The following SPIDR variants were observed in gnomAD, a reference collection of about 807,000 sequenced individuals.
SPIDR encodes scaffold protein involved in DNA repair, also known as DNA repair-scaffolding protein.
In SPIDR, 93 loss-of-function variants were observed where a neutral mutation model predicts 104.6. The observed-to-expected ratio is 0.89, with a 90% CI of 0.75 to 1.06. The LOEUF (loss-of-function observed/expected upper bound fraction) is 1.06, where lower values mean the gene tolerates loss of function less well. SPIDR is among the 50% of genes least tolerant of loss of function. The probability of loss-of-function intolerance (pLI) is 0.00; values close to 1 mark genes in which losing one functional copy is unlikely to be tolerated. For synonymous variants in SPIDR, 431 were observed against 416.9 expected, an observed-to-expected ratio of 1.03 and a Z score of -0.41; for missense variants, 1,154 against 1,111.2, an observed-to-expected ratio of 1.04 and a Z score of -0.55.
At chr8:47,688,015 A>AG (rs1563546666) in intron 11 of SPIDR, among the ~76,000 whole-genome samples, 3 of 62,464 alleles carry the variant, frequency 4.8e-5, no homozygotes, top group African/African-American at 9.4e-5. Flanking sequence ...CAAAAAAAAA[A>AG]AGTGTGTGTG....
intron 5 of SPIDR, among the ~76,000 whole-genome samples, chr8:47,394,454 A>C (rs2061009991): frequency 6.6e-6 from 1 of 152,184 alleles, no homozygotes; most frequent in Non-Finnish European, 1.5e-5. Flanking sequence ...AGTGGTTCTC[A>C]ACTGGGGGTG....
chr8:47,313,536 T>G (rs1187219324), intron 5 of SPIDR, among the ~76,000 whole-genome samples: 1 of 152,070 alleles, frequency 6.6e-6, no homozygotes, highest in Non-Finnish European at 1.5e-5. Flanking sequence ...TACCAATGAC[T>G]CTCTTCACAG....
chr8:47,300,635 C>G (rs1554576593), intron 5 of SPIDR, among the ~76,000 whole-genome samples: 1 of 152,152 alleles, frequency 6.6e-6, no homozygotes, highest in East Asian at 1.9e-4. Flanking sequence ...CCCAGAGATT[C>G]TGGTATGTTG....
chr8:47,385,663 G>A (rs1021337022), intron 5 of SPIDR, among the ~76,000 whole-genome samples: 31 of 152,172 alleles, frequency 2.0e-4, no homozygotes, highest in Admixed American at 9.8e-4. Flanking sequence ...TTTGTATCAC[G>A]TTTCCTTGGA....
chr8:47,615,831 T>G (rs1470898754), intron 10 of SPIDR, among the ~76,000 whole-genome samples: 1 of 152,176 alleles, frequency 6.6e-6, no homozygotes, highest in Non-Finnish European at 1.5e-5. Flanking sequence ...CAAGATGCCT[T>G]TCCATTTATT....
intron 3 of SPIDR, among the ~76,000 whole-genome samples, chr8:47,286,168 TACTC>T (rs1452758267): frequency 1.3e-5 from 2 of 152,140 alleles, no homozygotes; most frequent in South Asian, 2.1e-4. Context: ...TTTTCTTAGA[TACTC>T]ACACTAAACT....
At chr8:47,578,155 AAAGGTTGCTACTC>A (rs1195781559) in intron 8 of SPIDR, among the ~76,000 whole-genome samples, 3 of 152,202 alleles carry the variant, frequency 2.0e-5, no homozygotes, top group African/African-American at 7.2e-5. Flanking sequence ...ATCTCATTAT[AAAGGTTGCTACTC>A]ATGATTTTCA....
intron 8 of SPIDR, among the ~76,000 whole-genome samples, chr8:47,508,476 A>G (rs1318820353): frequency 6.6e-6 from 1 of 152,212 alleles, no homozygotes; most frequent in African/African-American, 2.4e-5. Flanking sequence ...CTGCACACAC[A>G]AAAAGAGATG....
chr8:47,321,237 T>C (rs913581555), intron 5 of SPIDR, among the ~76,000 whole-genome samples: 2 of 152,212 alleles, frequency 1.3e-5, no homozygotes, highest in African/African-American at 4.8e-5. Context: ...ATAGGCAACT[T>C]CAGCAAAGTC....
At chr8:47,440,613 A>G (rs2069230121) in intron 8 of SPIDR, 71 bp downstream of exon 8, 6 of 1,485,816 alleles carry the variant, frequency 4.0e-6, no homozygotes, top group African/African-American at 1.4e-5. Context: ...CATTTTTATC[A>G]GTTACATTTT....
intron 10 of SPIDR, among the ~76,000 whole-genome samples, chr8:47,654,323 TGAG>T (rs1451976629): frequency 6.6e-6 from 1 of 152,048 alleles, no homozygotes; most frequent in African/African-American, 2.4e-5. Flanking sequence ...ACAATGGGGA[TGAG>T]GAGGAGAATA....
chr8:47,380,748 C>T (rs954038019), intron 5 of SPIDR, among the ~76,000 whole-genome samples: 1 of 152,228 alleles, frequency 6.6e-6, no homozygotes, highest in African/African-American at 2.4e-5. Context: ...AGAGGTGTAA[C>T]TATGGGTGTA....
intron 5 of SPIDR, among the ~76,000 whole-genome samples, chr8:47,307,282 ATGAT>A (rs1554581934): frequency 6.8e-6 from 1 of 148,138 alleles, no homozygotes; most frequent in Non-Finnish European, 1.5e-5. Flanking sequence ...GTGCAGTGGC[ATGAT>A]CTTGGCTCAC....
chr8:47,656,384 C>T (rs2072815995), intron 10 of SPIDR, among the ~76,000 whole-genome samples: 1 of 151,958 alleles, frequency 6.6e-6, no homozygotes, highest in African/African-American at 2.4e-5. Flanking sequence ...AAAGATAATG[C>T]AAATGGACAG....
intron 10 of SPIDR, among the ~76,000 whole-genome samples, chr8:47,616,753 C>G (rs1272058256): frequency 1.3e-5 from 2 of 152,170 alleles, no homozygotes; most frequent in Admixed American, 6.5e-5. Context: ...CCCAGTTTCC[C>G]CTGTTGTTAC....
At chr8:47,396,654 T>C in intron 6 of SPIDR, 28 bp downstream of exon 6, 1 of 1,551,982 alleles carries the variant, frequency 6.4e-7, no homozygotes, top group Non-Finnish European at 8.7e-7. Context: ...TAAATACTCT[T>C]TTTAAATTTT....
chr8:47,487,083 A>G (rs904816144), intron 8 of SPIDR, among the ~76,000 whole-genome samples: 1 of 152,242 alleles, frequency 6.6e-6, no homozygotes, highest in East Asian at 1.9e-4. Context: ...AAGATCCATC[A>G]GTGTGCTGTA....
chr8:47,489,763 A>T (rs1337554720), intron 8 of SPIDR, among the ~76,000 whole-genome samples: 1 of 152,246 alleles, frequency 6.6e-6, no homozygotes, highest in African/African-American at 2.4e-5. Context: ...AGGATTCCCT[A>T]TTTAATAAAT....
At chr8:47,410,904 G>A (rs1385770140) in intron 7 of SPIDR, among the ~76,000 whole-genome samples, 3 of 152,136 alleles carry the variant, frequency 2.0e-5, no homozygotes, top group Non-Finnish European at 4.4e-5. Flanking sequence ...GTGAGAACAC[G>A]TGGTGTTCGG....
Sources: allele counts gnomAD v4.1 joint callset (sites outside exome capture counted in the v4.1 genomes callset), GRCh38; gene constraint gnomAD v4.1.1; transcripts MANE v1.5; gene names NCBI Gene and HGNC (gene_info 2026-07-23, HGNC 2026-07-21).